The following PRKCA variants were observed in gnomAD, a reference collection of about 807,000 sequenced individuals.
PRKCA encodes protein kinase C alpha.
Under a neutral mutation model 87.0 loss-of-function variants are expected in PRKCA, and 27 were observed. That is an observed-to-expected ratio of 0.31 (90% CI 0.23 to 0.43). The LOEUF (loss-of-function observed/expected upper bound fraction) is 0.43, where lower values mean the gene tolerates loss of function less well. Ranked by LOEUF, PRKCA falls within the 20% of genes least tolerant of loss-of-function variation. The pLI is 1.00. For synonymous variants in PRKCA, 329 were observed against 311.1 expected (o/e 1.06, Z -0.61); for missense variants, 518 against 852.3 (o/e 0.61, Z 4.88).
chr17:66,621,607 G>C (rs1036907917), intron 3 of PRKCA, among the ~76,000 whole-genome samples: 1 of 152,084 alleles, frequency 6.6e-6, no homozygotes, highest in African/African-American at 2.4e-5. Flanking sequence ...GGAGTTAAGA[G>C]GAAGCATTAA....
At chr17:66,671,576 A>T (rs1412375131) in intron 5 of PRKCA, among the ~76,000 whole-genome samples, 1 of 152,158 alleles carries the variant, frequency 6.6e-6, no homozygotes, top group Non-Finnish European at 1.5e-5. Flanking sequence ...TTCAGATGGG[A>T]TGTTTTGCTA....
At chr17:66,468,617 G>A (rs1347401380) in intron 2 of PRKCA, among the ~76,000 whole-genome samples, 2 of 134,858 alleles carry the variant, frequency 1.5e-5, no homozygotes, top group Non-Finnish European at 2.9e-5. Flanking sequence ...AAATGCCCAG[G>A]GTTGTCTGAG....
chr17:66,354,645 A>T (rs956859284), intron 2 of PRKCA, among the ~76,000 whole-genome samples: 1 of 152,136 alleles, frequency 6.6e-6, no homozygotes, highest in Non-Finnish European at 1.5e-5. Flanking sequence ...CTTTTCCTGC[A>T]TATTTGGCCT....
chr17:66,668,517 C>A (rs1430096048), intron 5 of PRKCA, among the ~76,000 whole-genome samples: 3 of 152,324 alleles, frequency 2.0e-5, no homozygotes, highest in African/African-American at 7.2e-5. Flanking sequence ...GGACTAAGAG[C>A]CATGAACATC....
At chr17:66,389,081 A>T (rs1445128801) in intron 2 of PRKCA, among the ~76,000 whole-genome samples, 1 of 152,200 alleles carries the variant, frequency 6.6e-6, no homozygotes, top group Non-Finnish European at 1.5e-5. Flanking sequence ...CATCATGTAT[A>T]TGCCTTTCTA....
chr17:66,317,779 T>C (rs1195976982), intron 2 of PRKCA, among the ~76,000 whole-genome samples: 1 of 152,240 alleles, frequency 6.6e-6, no homozygotes. Context: ...GTTAAATGGC[T>C]GTACACTAGC....
intron 3 of PRKCA, among the ~76,000 whole-genome samples, chr17:66,615,834 A>C (rs751413436): frequency 4.6e-5 from 7 of 152,146 alleles, no homozygotes; most frequent in Non-Finnish European, 1.0e-4. Context: ...AAGGGATTTC[A>C]CTGAAATGTT....
chr17:66,789,041 A>G lies in PRKCA; in HGVS notation c.1854+62A>G, dbSNP rs932786754. The G allele has an allele frequency of 1.1e-5, 18 of 1,596,072 alleles. No individual in the cohort carries two copies. The African/African-American group carries it at 1.9e-4, about 17-fold the overall frequency. ...TGTCCCCAAATTCTGGGAGTATCCC[A>G]CTCACCTCTTTTCTTGGAGAGAGGA... On this transcript the variant is annotated intron_variant, in intron 16 of 16. Coordinates refer to ENST00000413366, the MANE Select transcript of PRKCA (RefSeq NM_002737.3).
At chr17:66,491,668 T>C (rs1916251652) in intron 2 of PRKCA, among the ~76,000 whole-genome samples, 1 of 152,244 alleles carries the variant, frequency 6.6e-6, no homozygotes, top group Non-Finnish European at 1.5e-5. Flanking sequence ...GGGGAAACCC[T>C]ATGATGTCCA....
At chr17:66,588,635 C>CTTTTTTTTTTTTTTTTTTT (rs397856363) in intron 3 of PRKCA, among the ~76,000 whole-genome samples, 1 of 39,108 alleles carries the variant, frequency 2.6e-5, no homozygotes, top group Non-Finnish European at 4.5e-5. Context: ...TTTTGCTTTG[C>CTTTTTTTTTTTTTTTTTTT]TTTTTTTTTT....
intron 3 of PRKCA, among the ~76,000 whole-genome samples, chr17:66,627,924 G>A (rs1291610671): frequency 6.6e-6 from 1 of 152,160 alleles, no homozygotes; most frequent in Non-Finnish European, 1.5e-5. Context: ...TGCTACAATC[G>A]AAGAGAAGAA....
intron 1 of PRKCA, among the ~76,000 whole-genome samples, chr17:66,303,996 C>T (rs12936396): frequency 0.26 from 40,201 of 151,936 alleles, 5,512 homozygotes; most frequent in South Asian, 0.32. Flanking sequence ...AGCGAGATTC[C>T]GTCTCAAAAA....
chr17:66,494,183 A>C (rs1028491315), intron 2 of PRKCA, among the ~76,000 whole-genome samples: 4 of 152,196 alleles, frequency 2.6e-5, no homozygotes, highest in African/African-American at 9.7e-5. Flanking sequence ...TGTGCAGGGA[A>C]CTGTATTATC....
At chr17:66,773,328 G>A (rs1974981143) in intron 13 of PRKCA, among the ~76,000 whole-genome samples, 1 of 151,932 alleles carries the variant, frequency 6.6e-6, no homozygotes, top group African/African-American at 2.4e-5. Flanking sequence ...TAAAACTTCT[G>A]TTTTTCAATA....
chr17:66,639,239 A>G (rs1971225320), intron 3 of PRKCA: 1 of 152,174 alleles, frequency 6.6e-6, no homozygotes, highest in African/African-American at 2.4e-5. Context: ...TGAATATGAA[A>G]TTGTTTTATA....
intron 3 of PRKCA, among the ~76,000 whole-genome samples, chr17:66,535,812 A>T (rs1381104025): frequency 1.3e-5 from 2 of 152,092 alleles, no homozygotes; most frequent in Admixed American, 6.6e-5. Flanking sequence ...CCTCCTTCTA[A>T]TGAGGGGCCC....
At chr17:66,428,282 C>A (rs1246799909) in intron 2 of PRKCA, among the ~76,000 whole-genome samples, 1 of 152,052 alleles carries the variant, frequency 6.6e-6, no homozygotes, top group East Asian at 1.9e-4. Flanking sequence ...TAGGCCTTTG[C>A]AGGAAGCAGG....
intron 13 of PRKCA, among the ~76,000 whole-genome samples, chr17:66,743,153 A>T (rs1171515572): frequency 6.6e-6 from 1 of 152,116 alleles, no homozygotes; most frequent in Non-Finnish European, 1.5e-5. Context: ...ACGTGGTGAA[A>T]CCCCATCTCT....
At chr17:66,661,728 G>A (rs927405671) in intron 5 of PRKCA, among the ~76,000 whole-genome samples, 1 of 152,240 alleles carries the variant, frequency 6.6e-6, no homozygotes. Context: ...AAATGGTGTT[G>A]ATGTGGAAGA....
Sources: allele counts gnomAD v4.1 joint callset (sites outside exome capture counted in the v4.1 genomes callset), GRCh38; gene constraint gnomAD v4.1.1; transcripts MANE v1.5; gene names NCBI Gene and HGNC (gene_info 2026-07-23, HGNC 2026-07-21).